CATSPERE: variants seen among roughly 807,000 people sequenced by gnomAD.
CATSPERE encodes cation channel sperm-associated auxiliary subunit epsilon.
A neutral mutation model predicts 114.1 loss-of-function variants in CATSPERE; 93 were observed. The observed-to-expected ratio is 0.81, with a 90% CI of 0.69 to 0.97. CATSPERE has a LOEUF of 0.97. CATSPERE is among the 50% of genes least tolerant of loss of function. The probability of loss-of-function intolerance (pLI) is 0.00; values close to 1 mark genes in which losing one functional copy is unlikely to be tolerated. For missense variants in CATSPERE, 1,058 were observed against 1,131.6 expected (o/e 0.93, Z 0.93); for synonymous variants, 341 against 384.1 (o/e 0.89, Z 1.31).
intron 7 of CATSPERE, among the ~76,000 whole-genome samples, chr1:244,511,652 A>G (rs935468545): frequency 1.3e-5 from 2 of 151,856 alleles, no homozygotes; most frequent in Admixed American, 1.3e-4. Flanking sequence ...ATTGAGTTTT[A>G]TGCTTTTGTG....
intron 13 of CATSPERE, among the ~76,000 whole-genome samples, chr1:244,584,766 C>G (rs559779581): frequency 6.6e-6 from 1 of 152,244 alleles, no homozygotes; most frequent in South Asian, 2.1e-4. Context: ...AACCTGCGTT[C>G]CTACCAGGGC....
In CATSPERE at chr1:244,640,119, T is replaced by G; in HGVS notation, c.*38T>G. On this transcript the variant is annotated 3_prime_UTR_variant, in exon 22 of 22. Transcript: ENST00000366534. ...TTTGTTTATTACAGATATATGCATA[T>G]AGAGAAACAGTGTATTACATAGTGA... The G allele has an allele frequency of 1.5e-5, 21 of 1,416,108 alleles. No homozygotes were observed. Among genetic ancestry groups the G allele is most frequent in the East Asian group, 2.5e-5 (1 of 40,020 alleles). 87.7% of individuals were successfully genotyped at this position (1,416,108 alleles called of 1,614,324 possible). A position where few individuals can be genotyped will look rare whatever the true frequency, so the allele number is the denominator to read the frequency against.
At chr1:244,452,074 C>A (rs1014837217), upstream of CATSPERE, 2 of 322,824 alleles carry the variant, frequency 6.2e-6, no homozygotes, top group Non-Finnish European at 5.6e-6. Context: ...CTGGTGGCGG[C>A]AACGGCCGCC....
intron 5 of CATSPERE, among the ~76,000 whole-genome samples, chr1:244,482,906 G>C (rs143921948): frequency 6.6e-6 from 1 of 151,982 alleles, no homozygotes; most frequent in Admixed American, 6.6e-5. Flanking sequence ...GTTTAGTTTT[G>C]TCAGTTCTTG....
upstream of CATSPERE, among the ~76,000 whole-genome samples, chr1:244,459,623 TG>T (rs2148051686): frequency 6.6e-6 from 1 of 152,314 alleles, no homozygotes; most frequent in Admixed American, 6.5e-5. Context: ...AGTATACAGT[TG>T]TTAGCTGGTC....
chr1:244,615,501 A>G (rs1386244775), intron 19 of CATSPERE, among the ~76,000 whole-genome samples: 3 of 151,656 alleles, frequency 2.0e-5, no homozygotes, highest in African/African-American at 7.3e-5. Context: ...AGCCTACTAG[A>G]TAACTAGGCG....
At position 244,629,886 on chromosome 1, in the gene CATSPERE, T is replaced by C. The variant is rs989710589; in HGVS notation, c.2649-5603T>C. 2.7e-5 allele frequency among the ~76,000 whole-genome samples: 4 copies of C among 150,536 alleles called. No individual in the cohort carries two copies. In the South Asian group the frequency reaches 8.5e-4, roughly 32 times the overall value. Reference sequence around the variant, plus strand: ...AACTCCTGACCTCAAGCAATCCACCTGCCTCAGCCTCCCAAACTGCTGGGA... The same window carrying C: ...AACTCCTGACCTCAAGCAATCCACCCGCCTCAGCCTCCCAAACTGCTGGGA... On this transcript the variant is annotated intron_variant, in intron 20 of 21. Transcript: ENST00000366534.
intron 8 of CATSPERE, among the ~76,000 whole-genome samples, chr1:244,541,900 C>T (rs1482518067): frequency 1.4e-5 from 2 of 141,430 alleles, no homozygotes; most frequent in Non-Finnish European, 1.5e-5. Context: ...AGTAAACTAT[C>T]GCAAGAACAA....
chr1:244,535,113 ATC>A (rs1213008313), intron 8 of CATSPERE, among the ~76,000 whole-genome samples: 1 of 151,774 alleles, frequency 6.6e-6, no homozygotes, highest in African/African-American at 2.4e-5. Context: ...AACAAACAGA[ATC>A]TCTCTCTCTC....
intron 10 of CATSPERE, among the ~76,000 whole-genome samples, chr1:244,571,171 T>C (rs896553832): frequency 6.6e-6 from 1 of 152,254 alleles, no homozygotes; most frequent in East Asian, 1.9e-4. Flanking sequence ...CCCTTCCACC[T>C]TGTGATCTAC....
chr1:244,604,326 G>A (rs1181204365), intron 17 of CATSPERE, among the ~76,000 whole-genome samples: 1 of 152,168 alleles, frequency 6.6e-6, no homozygotes, highest in Non-Finnish European at 1.5e-5. Context: ...AACTAAATAG[G>A]ATGGAAAGAA....
At position 244,484,198 on chromosome 1, in the gene CATSPERE, G is replaced by T. The variant is rs1377994781; in HGVS notation, c.326+4414G>T. On this transcript the variant is annotated intron_variant, in intron 5 of 21. Transcript: ENST00000366534. The stretch of plus-strand genomic sequence containing the variant: ...CTACATTATCCTTATCACTATAACT[G>T]TATTTTTTAAATCTTAACAAGTGAT... Among the ~76,000 whole-genome samples, 5 of 151,984 alleles carry T rather than the reference G, an allele frequency of 3.3e-5. No individual in the cohort carries two copies. In the East Asian group the frequency reaches 9.6e-4, roughly 29 times the overall value.
At position 244,561,026 on chromosome 1, in the gene CATSPERE, A is replaced by G; in HGVS notation, c.1388A>G (p.Lys463Arg). ...SALPGLLLWN[K>R]HSIYYCYHNF... ...CTGCCAGGATTACTGCTATGGAACA[A>G]GCATAGTATCTACTATTGTTACCAT... The change falls in exon 10 of 22, where the codon AAG (lysine) becomes AGG (arginine). Residue 463 changes from lysine to arginine, a missense_variant. By Grantham distance (26) the Lys-to-Arg change is conservative. Transcript: ENST00000366534. 6.2e-7 allele frequency: 1 copy of G among 1,613,106 alleles called. No individual in the cohort carries two copies. Among genetic ancestry groups the G allele is most frequent in the Non-Finnish European group, 8.5e-7 (1 of 1,179,108 alleles).
At chr1:244,464,216 AT>A (rs1667243655) in intron 2 of CATSPERE, among the ~76,000 whole-genome samples, 1 of 152,230 alleles carries the variant, frequency 6.6e-6, no homozygotes, top group Non-Finnish European at 1.5e-5. Context: ...TAGGATAACC[AT>A]TCAGTATATT....
At chr1:244,524,990 TA>T (rs1678290668) in intron 8 of CATSPERE, among the ~76,000 whole-genome samples, 1 of 145,398 alleles carries the variant, frequency 6.9e-6, no homozygotes, top group Non-Finnish European at 1.5e-5. Context: ...CATTACTCGG[TA>T]TATACCCAAA....
intron 6 of CATSPERE, among the ~76,000 whole-genome samples, chr1:244,494,376 C>T (rs1022266861): frequency 6.9e-6 from 1 of 145,322 alleles, no homozygotes; most frequent in Admixed American, 7.3e-5. Flanking sequence ...ACCGCATATT[C>T]TCACTCATAG....
At chr1:244,460,335 T>C (rs1176347883), upstream of CATSPERE, among the ~76,000 whole-genome samples, 1 of 152,202 alleles carries the variant, frequency 6.6e-6, no homozygotes, top group East Asian at 1.9e-4. Context: ...CGAGAGATTT[T>C]ACAGACCCTG....
At chr1:244,582,910 G>GATATAT (rs66677443) in intron 12 of CATSPERE, among the ~76,000 whole-genome samples, 1 of 142,452 alleles carries the variant, frequency 7.0e-6, no homozygotes, top group African/African-American at 2.8e-5. Context: ...AACAGAATTT[G>GATATAT]ATATATATAT....
intron 6 of CATSPERE, 109 bp downstream of exon 6, chr1:244,490,580 T>C (rs1671903040): frequency 6.8e-6 from 5 of 730,782 alleles, no homozygotes; most frequent in Non-Finnish European, 9.2e-6. Flanking sequence ...AATTTTGCAA[T>C]GATATTTGCT....
Sources: allele counts gnomAD v4.1 joint callset (sites outside exome capture counted in the v4.1 genomes callset), GRCh38; gene constraint gnomAD v4.1.1; transcripts MANE v1.5; gene names NCBI Gene and HGNC (gene_info 2026-07-23, HGNC 2026-07-21).